ACBD6: variants seen among roughly 807,000 people sequenced by gnomAD.
The protein encoded by ACBD6 is acyl-CoA-binding domain-containing protein 6.
A neutral mutation model predicts 37.2 loss-of-function variants in ACBD6; 28 were observed. The observed-to-expected ratio is 0.75, with a 90% CI of 0.56 to 1.03. ACBD6 has a LOEUF of 1.03. Among genes scored for constraint, ACBD6 ranks in the 50% least tolerant of loss-of-function variants. The pLI is 0.00. For missense variants in ACBD6, 340 were observed against 337.4 expected (o/e 1.01, Z -0.06); for synonymous variants, 113 against 126.8 (o/e 0.89, Z 0.73).
intron 6 of ACBD6, among the ~76,000 whole-genome samples, chr1:180,340,046 TG>T (rs2149305770): frequency 6.6e-6 from 1 of 152,102 alleles, no homozygotes; most frequent in South Asian, 2.1e-4. Context: ...GACCCTGAAA[TG>T]GTTATGTACC....
At chr1:180,464,168 T>C (rs1323754395) in intron 3 of ACBD6, among the ~76,000 whole-genome samples, 1 of 152,016 alleles carries the variant, frequency 6.6e-6, no homozygotes, top group Non-Finnish European at 1.5e-5. Flanking sequence ...CTATTCAACA[T>C]AGTATTGGAA....
chr1:180,396,887 A>C (rs1303781213), intron 6 of ACBD6, among the ~76,000 whole-genome samples: 2 of 152,216 alleles, frequency 1.3e-5, no homozygotes, highest in East Asian at 3.8e-4. Flanking sequence ...ACAGTTTGTC[A>C]GTTGCTCAAA....
rs530903334 is a variant in ACBD6 at position 180,400,223 on chromosome 1, C to T, written c.574-2618G>A. On this transcript the variant is annotated intron_variant, in intron 5 of 7. Coordinates refer to ENST00000367595, the MANE Select transcript of ACBD6 (RefSeq NM_032360.4). ...CCAAAAATTTACTTTAGGGGAAACA[C>T]CTATGACTGGACCTCCATAGTGATT... Among the ~76,000 whole-genome samples the T allele has an allele frequency of 1.2e-4, 19 of 152,262 alleles. No homozygotes were observed. In the South Asian group the frequency reaches 3.9e-3, roughly 32 times the overall value.
rs373891492 is a variant in ACBD6, at chr1:180,502,067, T to C, written c.200A>G (p.Tyr67Cys). The C allele has an allele frequency of 6.2e-7, 1 of 1,613,700 alleles. No individual in the cohort carries two copies. The highest frequency in any genetic ancestry group is 1.3e-5 in the African/African-American group (1 of 74,936). ...IQVASREQLL[Y>C]LYARYKQVKV... ...TACCTGTTTGTACCTGGCATACAGG[T>C]ACAAGAGCTGCTCCCTGCTGGCCAC... The change falls in exon 1 of 8, where the codon TAC becomes TGC. Residue 67 changes from tyrosine to cysteine, a missense_variant. Transcript: ENST00000367595.
At chr1:180,271,828 G>C in exon 14 of ACBD6, 1 of 1,613,926 alleles carries the variant, frequency 6.2e-7, no homozygotes. Flanking sequence ...TTGTGCTTGT[G>C]TGGCAGGTTT....
chr1:180,425,825 C>T (rs1648561166), intron 4 of ACBD6, among the ~76,000 whole-genome samples: 1 of 152,080 alleles, frequency 6.6e-6, no homozygotes, highest in African/African-American at 2.4e-5. Context: ...GGCTTTTATG[C>T]TACTTCCAAG....
intron 3 of ACBD6, chr1:180,435,235 G>A (rs1361168376): frequency 3.0e-6 from 2 of 665,010 alleles, no homozygotes; most frequent in African/African-American, 1.8e-5. Flanking sequence ...TACGAGGGCT[G>A]GCTGGCCGGC....
intron 6 of ACBD6, among the ~76,000 whole-genome samples, chr1:180,359,614 G>T (rs966692280): frequency 9.2e-5 from 14 of 152,156 alleles, no homozygotes; most frequent in Non-Finnish European, 1.6e-4. Flanking sequence ...ACATTTAGAA[G>T]ATATACATGT....
rs571061113 is a variant in ACBD6, at chr1:180,499,774, T to C, written c.222+2271A>G. ...CAAATGACCAAAGAGAAAACAGATA[T>C]CTACAACTTTTCCAAGAAAGCTAAT... On this transcript the variant is annotated intron_variant, in intron 1 of 7. Transcript: ENST00000367595. Among the ~76,000 whole-genome samples the C allele has an allele frequency of 2.8e-4, 42 of 152,296 alleles. No individual in the cohort carries two copies. The South Asian group carries it at 4.8e-3, about 17-fold the overall frequency.
intron 3 of ACBD6, among the ~76,000 whole-genome samples, chr1:180,485,989 T>C (rs1016608566): frequency 2.6e-5 from 4 of 151,452 alleles, no homozygotes; most frequent in Admixed American, 2.0e-4. Context: ...TCCCACTGAA[T>C]AAAAATCCAT....
chr1:180,445,594 T>C (rs1363839990), intron 3 of ACBD6, among the ~76,000 whole-genome samples: 2 of 152,154 alleles, frequency 1.3e-5, no homozygotes, highest in Non-Finnish European at 2.9e-5. Flanking sequence ...CTAAGACTCA[T>C]ACAGATTTCA....
intron 2 of ACBD6, among the ~76,000 whole-genome samples, chr1:180,494,972 G>A (rs1651675342): frequency 6.6e-6 from 1 of 152,160 alleles, no homozygotes; most frequent in South Asian, 2.1e-4. Flanking sequence ...CTTCCCAAGA[G>A]TACTATAAGC....
At chr1:180,306,750 A>G (rs191648064) in intron 7 of ACBD6, among the ~76,000 whole-genome samples, 2 of 152,354 alleles carry the variant, frequency 1.3e-5, no homozygotes, top group Admixed American at 1.3e-4. Context: ...AATCAATTCT[A>G]GGAATTATTA....
chr1:180,319,632 C>T (rs1650975365), intron 6 of ACBD6, among the ~76,000 whole-genome samples: 1 of 152,140 alleles, frequency 6.6e-6, no homozygotes, highest in Non-Finnish European at 1.5e-5. Context: ...CATTAACCAT[C>T]CCACTTCTCC....
chr1:180,467,455 A>AG (rs1650392594), intron 3 of ACBD6, among the ~76,000 whole-genome samples: 1 of 148,762 alleles, frequency 6.7e-6, no homozygotes, highest in African/African-American at 2.5e-5. Context: ...CTGCAAAAAA[A>AG]AAAAAAAAAA....
At chr1:180,321,578 A>G (rs1651070028) in intron 6 of ACBD6, among the ~76,000 whole-genome samples, 1 of 152,014 alleles carries the variant, frequency 6.6e-6, no homozygotes, top group African/African-American at 2.4e-5. Context: ...TCTTTTTCAG[A>G]CTGTTTGCAT....
chr1:180,320,916 T>C (rs1303090831), intron 6 of ACBD6, among the ~76,000 whole-genome samples: 4 of 152,194 alleles, frequency 2.6e-5, no homozygotes, highest in Admixed American at 6.5e-5. Context: ...AGTAGTTTCA[T>C]AGTTTGAGAT....
chr1:180,482,740 A>G (rs1308484116), intron 3 of ACBD6, among the ~76,000 whole-genome samples: 3 of 152,224 alleles, frequency 2.0e-5, no homozygotes, highest in African/African-American at 7.2e-5. Context: ...ACAAACGTTC[A>G]ATTTTCAAAG....
chr1:180,462,917 AAG>A (rs1650208122), intron 3 of ACBD6, among the ~76,000 whole-genome samples: 1 of 152,226 alleles, frequency 6.6e-6, no homozygotes, highest in Admixed American at 6.5e-5. Flanking sequence ...ACCCAAGACT[AAG>A]AAATTCACTC....
Sources: allele counts gnomAD v4.1 joint callset (sites outside exome capture counted in the v4.1 genomes callset), GRCh38; gene constraint gnomAD v4.1.1; transcripts MANE v1.5; gene names NCBI Gene and HGNC (gene_info 2026-07-23, HGNC 2026-07-21).